Variants in AFM observed in about 807,000 individuals in gnomAD.
AFM encodes the protein afamin.
Under a neutral mutation model 68.7 loss-of-function variants are expected in AFM, and 82 were observed. The observed-to-expected ratio is 1.19, with a 90% confidence interval of 1.00 to 1.43. The LOEUF (loss-of-function observed/expected upper bound fraction) is 1.43, where lower values mean the gene tolerates loss of function less well. Among genes scored for constraint, AFM ranks in the 40% most tolerant of loss-of-function variants. The probability of loss-of-function intolerance (pLI) is 0.00; values close to 1 mark genes in which losing one functional copy is unlikely to be tolerated. For missense variants in AFM, 772 were observed against 701.8 expected, an observed-to-expected ratio of 1.10 and a Z score of -1.13; for synonymous variants, 250 against 234.2, an observed-to-expected ratio of 1.07 and a Z score of -0.61.
chr4:73,496,532 GT>G (rs1721261325), intron 9 of AFM, among the ~76,000 whole-genome samples: 1 of 152,062 alleles, frequency 6.6e-6, no homozygotes. Flanking sequence ...CAAGAAAGTT[GT>G]TTCTGGTGTC....
chr4:73,492,792 C>CA (rs771473722), intron 8 of AFM, among the ~76,000 whole-genome samples: 914 of 69,988 alleles, frequency 0.013, 7 homozygotes, highest in South Asian at 0.016. Context: ...GAGACTGTCT[C>CA]AAAAAAAAAA....
chr4:73,488,983 T>C (rs931081675), intron 7 of AFM, among the ~76,000 whole-genome samples: 3 of 152,234 alleles, frequency 2.0e-5, no homozygotes, highest in Admixed American at 6.5e-5. Context: ...GTATATTATA[T>C]GGCTAAATGT....
Position 73,483,829 on chromosome 4 carries a change from T to A in AFM, c.89-112T>A, listed in dbSNP as rs1030505473. On this transcript the variant is annotated intron_variant, in intron 1 of 14. Coordinates refer to ENST00000226355, the MANE Select transcript of AFM (RefSeq NM_001133.2). ...GTTAAATATGCAAAATTATCTCCTG[T>A]CATCAGTGGTCTATTTTGTATTTTA... The A allele has an allele frequency of 3.4e-5, 28 of 824,588 alleles. No homozygotes were observed. In the South Asian group the frequency reaches 5.7e-4, roughly 17 times the overall value. 51.1% of individuals were successfully genotyped at this position (824,588 alleles called of 1,614,324 possible).
intron 1 of AFM, 128 bp from the exon 2 acceptor site, chr4:73,483,813 G>T: frequency 2.9e-6 from 2 of 700,470 alleles, no homozygotes; most frequent in South Asian, 2.5e-5. Flanking sequence ...TGTTAAATAT[G>T]CAAAATTATC....
chr4:73,495,297 C>A lies in AFM; in HGVS notation c.1059-3C>A. The A allele has an allele frequency of 6.4e-7, 1 of 1,572,160 alleles. No individual in the cohort carries two copies. Among genetic ancestry groups the A allele is most frequent in the Non-Finnish European group, 8.6e-7 (1 of 1,167,062 alleles). On this transcript the variant is annotated splice_polypyrimidine_tract_variant and splice_region_variant and intron_variant, in intron 8 of 14. Transcript: ENST00000226355. ...CTAATATACAAAATTTTACACATTG[C>A]AGGTTTACTTTTGAATACTCAAGGA...
intron 7 of AFM, 134 bp from the exon 8 acceptor site, chr4:73,491,738 A>T: frequency 2.5e-6 from 2 of 798,816 alleles, no homozygotes; most frequent in Non-Finnish European, 4.1e-6. Context: ...AATTCAAACA[A>T]ATATTATCTA....
At position 73,488,715 on chromosome 4, in the gene AFM, G is replaced by T. The variant is rs144025350; in HGVS notation, c.799G>T (p.Asp267Tyr). Residue 267 changes from aspartate to tyrosine, a missense_variant, in exon 7 of 15, where the codon GAT becomes TAT. By Grantham distance (160) the Asp-to-Tyr change is radical. Transcript: ENST00000226355. ...TGTAGAAGATGTTTCTTCCAACTAT[G>T]ATGGATGCTGTGAAGGGGATGTTGT... ...SLVEDVSSNY[D>Y]GCCEGDVVQC... 7.7e-5 allele frequency: 125 copies of T among 1,613,276 alleles called. 4 individuals are homozygous for T. Among genetic ancestry groups the T allele is most frequent in the South Asian group, 6.4e-4 (58 of 90,940 alleles).
At chr4:73,486,940 T>C (rs1462345714) in intron 4 of AFM, 27 bp from the exon 5 acceptor site, 3 of 1,604,558 alleles carry the variant, frequency 1.9e-6, no homozygotes, top group Non-Finnish European at 8.5e-7. Flanking sequence ...TCACCCGTCT[T>C]CTCTCTTTCA....
At chr4:73,484,438 T>TTCTC (rs776844593) in intron 3 of AFM, 48 bp downstream of exon 3, 7 of 1,253,376 alleles carry the variant, frequency 5.6e-6, no homozygotes, top group Admixed American at 2.9e-5. Context: ...ATGTCTTTCT[T>TTCTC]TCTCTTTCTT....
chr4:73,498,907 T>G (rs1721334670), intron 10 of AFM, among the ~76,000 whole-genome samples: 1 of 152,100 alleles, frequency 6.6e-6, no homozygotes, highest in African/African-American at 2.4e-5. Flanking sequence ...ACCGTGAAAT[T>G]AGAAAGGAAG....
chr4:73,484,968 G>C (rs1035441902), intron 3 of AFM, among the ~76,000 whole-genome samples: 1 of 152,136 alleles, frequency 6.6e-6, no homozygotes, highest in Non-Finnish European at 1.5e-5. Context: ...TTTAGAACAA[G>C]GTACTTTCCT....
chr4:73,487,166 C>T (rs1009287820), intron 5 of AFM, 67 bp downstream of exon 5: 5 of 1,539,098 alleles, frequency 3.2e-6, no homozygotes, highest in Admixed American at 3.6e-5. Flanking sequence ...CAGACCCTGA[C>T]TTATATTATA....
chr4:73,490,118 A>T (rs777064862), intron 7 of AFM, among the ~76,000 whole-genome samples: 2 of 150,408 alleles, frequency 1.3e-5, no homozygotes, highest in Non-Finnish European at 3.0e-5. Context: ...GCTTGAGTCC[A>T]GGAGTTCGAG....
At chr4:73,491,550 G>T (rs941950004) in intron 7 of AFM, among the ~76,000 whole-genome samples, 1 of 152,124 alleles carries the variant, frequency 6.6e-6, no homozygotes, top group Non-Finnish European at 1.5e-5. Flanking sequence ...TTATGGAAAA[G>T]AAACAACATT....
rs1467591885 is a variant in AFM at position 73,497,668 on chromosome 4, A to C, written c.1208A>C (p.Glu403Ala). 9 of 1,604,400 alleles carry C rather than the reference A, an allele frequency of 5.6e-6. No homozygotes were observed. Among genetic ancestry groups the C allele is most frequent in the Non-Finnish European group, 5.1e-6 (6 of 1,174,784 alleles). ...TATTTTCAGGAAGACAAATTCAATG[A>C]GACAACTGAGAAAAGCCTCAAGATG... ...CYRYAEDKFN[E>A]TTEKSLKMVQ... Residue 403 changes from glutamate (E) to alanine (A), a missense_variant, in exon 10 of 15, where the codon GAG becomes GCG. Transcript: ENST00000226355.
chr4:73,498,159 A>T (rs1721308217), intron 10 of AFM, among the ~76,000 whole-genome samples: 1 of 152,158 alleles, frequency 6.6e-6, no homozygotes, highest in South Asian at 2.1e-4. Context: ...ATAACTCAGG[A>T]TGTGTTTAAC....
intron 7 of AFM, among the ~76,000 whole-genome samples, chr4:73,491,292 C>T (rs1229043102): frequency 6.6e-6 from 1 of 152,160 alleles, no homozygotes; most frequent in Non-Finnish European, 1.5e-5. Flanking sequence ...ACCTGAACAG[C>T]TTCAAATGAA....
At chr4:73,488,840 G>GGCAAA in intron 7 of AFM, 81 bp downstream of exon 7, 1 of 1,360,368 alleles carries the variant, frequency 7.4e-7, no homozygotes, top group Non-Finnish European at 1.0e-6. Context: ...CCTGATATGT[G>GGCAAA]GTTACTTTGC....
chr4:73,494,303 T>C (rs1206947234), intron 8 of AFM, among the ~76,000 whole-genome samples: 2 of 151,974 alleles, frequency 1.3e-5, no homozygotes, highest in African/African-American at 4.8e-5. Context: ...GGGGAGGGGA[T>C]GAAAAGAGTT....
Sources: allele counts gnomAD v4.1 joint callset (sites outside exome capture counted in the v4.1 genomes callset), GRCh38; gene constraint gnomAD v4.1.1; transcripts MANE v1.5; gene names NCBI Gene and HGNC (gene_info 2026-07-23, HGNC 2026-07-21).